PDE4D: variants seen among roughly 807,000 people sequenced by gnomAD.
PDE4D encodes the protein phosphodiesterase 4D.
A neutral mutation model predicts 87.4 loss-of-function variants in PDE4D; 24 were observed. The observed-to-expected ratio is 0.27, with a 90% CI of 0.20 to 0.39. The LOEUF is 0.39. PDE4D is among the 10% of genes least tolerant of loss of function. PDE4D has a pLI of 1.00. For synonymous variants in PDE4D, 384 were observed against 383.2 expected, an observed-to-expected ratio of 1.00 and a Z score of -0.02; for missense variants, 714 against 1,041.0, an observed-to-expected ratio of 0.69 and a Z score of 4.32.
intron 1 of PDE4D, among the ~76,000 whole-genome samples, chr5:59,252,257 T>C (rs1289993657): frequency 6.6e-6 from 1 of 152,152 alleles, no homozygotes; most frequent in Admixed American, 6.5e-5. Context: ...ATACTTTATT[T>C]TTAAAGTTGT....
At position 59,177,057 on chromosome 5, in the gene PDE4D, G is replaced by C. The variant is rs897312970; in HGVS notation, c.808+3538C>G. Among the ~76,000 whole-genome samples the C allele has an allele frequency of 5.3e-5, 8 of 152,142 alleles. No individual in the cohort carries two copies. The South Asian group carries it at 1.0e-3, about 20-fold the overall frequency. On this transcript the variant is annotated intron_variant, in intron 5 of 14. Coordinates refer to ENST00000340635, the MANE Select transcript of PDE4D (RefSeq NM_001104631.2). The stretch of plus-strand genomic sequence containing the variant: ...GTCCTATTCTTTCCATTACCCCCTT[G>C]TTACGGAATGAGTGCTTGTGTGCCC...
rs142063668 is a variant in PDE4D at position 59,131,691 on chromosome 5, T to C, written c.808+48904A>G. 3.9e-3 allele frequency among the ~76,000 whole-genome samples: 572 copies of C among 145,996 alleles called. 10 individuals carry two copies. The highest frequency in any genetic ancestry group is 0.014 in the African/African-American group (538 of 39,258). ...CCCCCCATGGGAGATGACTGCCCTT[T>C]TTGTCCTTGTTTTGCATATTAAAAG... On this transcript the variant is annotated intron_variant, in intron 5 of 14. Transcript: ENST00000340635.
intron 1 of PDE4D, among the ~76,000 whole-genome samples, chr5:59,864,126 T>A (rs1180168015): frequency 6.6e-6 from 1 of 152,168 alleles, no homozygotes. Context: ...GTTCAAGCAG[T>A]GCAGTCATGG....
chr5:60,337,877 CA>C (rs922048263), intron 1 of PDE4D, among the ~76,000 whole-genome samples: 19 of 151,436 alleles, frequency 1.3e-4, no homozygotes, highest in Admixed American at 3.3e-4. Context: ...GAGTTCCTAC[CA>C]AAAAACATTC....
chr5:59,925,102 G>C (rs1755098988), intron 3 of PDE4D, among the ~76,000 whole-genome samples: 1 of 142,276 alleles, frequency 7.0e-6, no homozygotes, highest in Non-Finnish European at 1.5e-5. Context: ...GTGAACCCAG[G>C]AGGCAGAGCT....
intron 3 of PDE4D, among the ~76,000 whole-genome samples, chr5:59,976,422 T>C (rs977695794): frequency 6.6e-6 from 1 of 152,120 alleles, no homozygotes; most frequent in Non-Finnish European, 1.5e-5. Flanking sequence ...TCATGAGTTA[T>C]TGTGAGATCT....
At chr5:59,182,142 TG>T (rs1741762743) in intron 4 of PDE4D, among the ~76,000 whole-genome samples, 1 of 152,126 alleles carries the variant, frequency 6.6e-6, no homozygotes, top group Admixed American at 6.6e-5. Context: ...ATAAAATGGT[TG>T]GGGGAAAAAT....
chr5:60,093,220 C>T (rs982436362), intron 2 of PDE4D, among the ~76,000 whole-genome samples: 1 of 152,188 alleles, frequency 6.6e-6, no homozygotes, highest in African/African-American at 2.4e-5. Context: ...GGGTGCTATA[C>T]ATCTGACACG....
At chr5:60,209,191 T>TC (rs1562220894) in intron 1 of PDE4D, among the ~76,000 whole-genome samples, 2 of 146,392 alleles carry the variant, frequency 1.4e-5, no homozygotes, top group African/African-American at 2.5e-5. Context: ...TTTTTTCTTT[T>TC]TTTTTTTTTT....
chr5:60,068,669 C>G (rs1204926864), intron 2 of PDE4D, among the ~76,000 whole-genome samples: 1 of 152,052 alleles, frequency 6.6e-6, no homozygotes, highest in Non-Finnish European at 1.5e-5. Context: ...TTTCAGCTCA[C>G]TGCAACCTCT....
rs565164172 is a variant in PDE4D at position 60,100,757 on chromosome 5, C to T, written c.42+84800G>A. Among the ~76,000 whole-genome samples the T allele has an allele frequency of 2.0e-5, 3 of 152,148 alleles. No individual in the cohort carries two copies. The South Asian group carries it at 6.2e-4, about 32-fold the overall frequency. ...GAGTTTATGCACTAAATGGTTTCAT[C>T]ATTTATCACCAGCCCTGCAGTGAGA... is the stretch of plus-strand genomic sequence containing the variant. On this transcript the variant is annotated intron_variant, in intron 2 of 16. Coordinates refer to the PDE4D transcript ENST00000502484.
intron 2 of PDE4D, among the ~76,000 whole-genome samples, chr5:60,129,830 G>C (rs1269507559): frequency 6.6e-6 from 1 of 152,106 alleles, no homozygotes; most frequent in Non-Finnish European, 1.5e-5. Flanking sequence ...AATGTAGCTA[G>C]AACAGAAAGG....
At chr5:59,657,063 C>G (rs896999992) in intron 1 of PDE4D, among the ~76,000 whole-genome samples, 3 of 152,068 alleles carry the variant, frequency 2.0e-5, no homozygotes, top group Non-Finnish European at 4.4e-5. Context: ...ATGGTAGCTA[C>G]TACTACTATT....
At chr5:59,093,883 T>C (rs951327154) in intron 5 of PDE4D, among the ~76,000 whole-genome samples, 2 of 152,040 alleles carry the variant, frequency 1.3e-5, no homozygotes, top group Non-Finnish European at 2.9e-5. Flanking sequence ...TCTGTGACCT[T>C]AGATAAAACA....
chr5:59,181,692 CA>C (rs1741634071), intron 4 of PDE4D, among the ~76,000 whole-genome samples: 1 of 151,646 alleles, frequency 6.6e-6, no homozygotes, highest in Admixed American at 6.6e-5. Context: ...TGAATCCTTA[CA>C]ATAAGCCTTA....
intron 1 of PDE4D, among the ~76,000 whole-genome samples, chr5:60,379,331 A>G (rs1761680723): frequency 6.6e-6 from 1 of 152,190 alleles, no homozygotes; most frequent in Non-Finnish European, 1.5e-5. Context: ...TAGCTGATCC[A>G]GTTACTTTTC....
At chr5:59,904,470 T>G (rs1274873430) in intron 3 of PDE4D, among the ~76,000 whole-genome samples, 1 of 152,192 alleles carries the variant, frequency 6.6e-6, no homozygotes, top group Non-Finnish European at 1.5e-5. Flanking sequence ...TTTGTGAATA[T>G]TTTTAGATAA....
intron 1 of PDE4D, among the ~76,000 whole-genome samples, chr5:60,210,897 C>T (rs1471537000): frequency 1.3e-5 from 2 of 152,166 alleles, no homozygotes; most frequent in Non-Finnish European, 2.9e-5. Context: ...GCGTTTCCAT[C>T]CTAATGGTGG....
At chr5:59,533,138 T>A (rs1168134198) in intron 1 of PDE4D, among the ~76,000 whole-genome samples, 1 of 152,232 alleles carries the variant, frequency 6.6e-6, no homozygotes, top group South Asian at 2.1e-4. Flanking sequence ...ACCAGTATCA[T>A]AGAAAAGATA....
Sources: allele counts gnomAD v4.1 joint callset (sites outside exome capture counted in the v4.1 genomes callset), GRCh38; gene constraint gnomAD v4.1.1; transcripts MANE v1.5; gene names NCBI Gene and HGNC (gene_info 2026-07-23, HGNC 2026-07-21).